ASCC3: variants seen among roughly 807,000 people sequenced by gnomAD.
The protein encoded by ASCC3 is ASC-1 complex subunit P200.
In ASCC3, 158 loss-of-function variants were observed where a neutral mutation model predicts 256.3. The ratio of observed to expected loss-of-function variants is 0.62; its 90% confidence interval spans 0.54 to 0.70. The LOEUF (loss-of-function observed/expected upper bound fraction) is 0.70, where lower values mean the gene tolerates loss of function less well. ASCC3 is among the 30% of genes least tolerant of loss of function. ASCC3 has a pLI of 0.00. For synonymous variants in ASCC3, 948 were observed against 883.4 expected, an observed-to-expected ratio of 1.07 and a Z score of -1.30; for missense variants, 2,259 against 2,626.0, an observed-to-expected ratio of 0.86 and a Z score of 3.05.
At chr6:100,582,663 C>T (rs1194848911) in intron 36 of ASCC3, among the ~76,000 whole-genome samples, 5 of 151,802 alleles carry the variant, frequency 3.3e-5, no homozygotes, top group Admixed American at 2.0e-4. Flanking sequence ...CTGTCTTGTG[C>T]CAGTTTTCAA....
chr6:100,800,516 AT>A lies in ASCC3; in HGVS notation c.923-13del. ...TTTTTTACAATTGTCTAAGAAGCAAATTTAAGAAACACAATGTTTTATAAAT... is the reference window on the plus strand; with the variant it reads ...TTTTTTACAATTGTCTAAGAAGCAAATTAAGAAACACAATGTTTTATAAAT... On this transcript the variant is annotated splice_polypyrimidine_tract_variant and intron_variant, in intron 5 of 41. Coordinates refer to ENST00000369162, the MANE Select transcript of ASCC3 (RefSeq NM_006828.4). The A allele has an allele frequency of 6.4e-7, 1 of 1,568,850 alleles. No individual in the cohort carries two copies. The highest frequency in any genetic ancestry group is 2.3e-5 in the East Asian group (1 of 44,362).
chr6:100,745,504 C>A (rs1780620986), intron 10 of ASCC3, among the ~76,000 whole-genome samples: 1 of 144,240 alleles, frequency 6.9e-6, no homozygotes, highest in African/African-American at 2.6e-5. Context: ...AAAACCTAAC[C>A]AAAAAAAAAA....
chr6:100,589,606 G>T (rs371924783), intron 36 of ASCC3, 28 bp downstream of exon 36: 1 of 1,611,916 alleles, frequency 6.2e-7, no homozygotes, highest in South Asian at 1.1e-5. Context: ...AATTAAAAGA[G>T]AAGATATGAA....
In ASCC3 at chr6:100,706,822, A is replaced by C. The variant is rs1342326527; in HGVS notation, c.2151+8640T>G. On this transcript the variant is annotated intron_variant, in intron 13 of 41. Transcript: ENST00000369162. ...GCAACTTTATTATAAAGTTAAACAT[A>C]TAATGTAGGTACTTTCAAGAAATGA... Among the ~76,000 whole-genome samples the C allele has an allele frequency of 2.0e-5, 3 of 152,216 alleles. No homozygotes were observed. The East Asian group carries it at 5.8e-4, about 29-fold the overall frequency.
At position 100,597,973 on chromosome 6, in the gene ASCC3, CAAA is replaced by C. The variant is rs34634494; in HGVS notation, c.5303+3834_5303+3836del. On this transcript the variant is annotated intron_variant, in intron 34 of 41. Transcript: ENST00000369162. ...TGGGCGACAGAGCGAGACTCCGTCTCAAAAAAAAAAAAAAAAAAAAAGTGGATA... is the reference window on the plus strand; with the variant it reads ...TGGGCGACAGAGCGAGACTCCGTCTCAAAAAAAAAAAAAAAAAAGTGGATA... Among the ~76,000 whole-genome samples the C allele has an allele frequency of 4.5e-3, 400 of 88,034 alleles. 2 individuals carry two copies. The highest frequency in any genetic ancestry group is 0.015 in the African/African-American group (348 of 23,718). 57.8% of individuals were successfully genotyped at this position (88,034 alleles called of 152,430 possible).
intron 37 of ASCC3, among the ~76,000 whole-genome samples, chr6:100,532,396 ATATATATATATTTTTT>A (rs1276501304): frequency 7.0e-5 from 3 of 42,754 alleles, no homozygotes; most frequent in Non-Finnish European, 1.3e-4. Flanking sequence ...ATATATATAT[ATATATATATATTTTTT>A]TTTTTTTTTT....
chr6:100,817,054 G>A (rs1027374225), intron 4 of ASCC3, among the ~76,000 whole-genome samples: 9 of 151,906 alleles, frequency 5.9e-5, no homozygotes, highest in African/African-American at 2.2e-4. Context: ...TAGCACGCAT[G>A]AAACTTCTCC....
chr6:100,780,105 A>C (rs1253320926), intron 8 of ASCC3, among the ~76,000 whole-genome samples: 3 of 152,184 alleles, frequency 2.0e-5, no homozygotes, highest in Non-Finnish European at 4.4e-5. Flanking sequence ...ACACACAAAA[A>C]CATGTGAAAT....
intron 13 of ASCC3, among the ~76,000 whole-genome samples, chr6:100,711,491 C>A (rs1056062646): frequency 6.6e-6 from 1 of 152,130 alleles, no homozygotes; most frequent in African/African-American, 2.4e-5. Flanking sequence ...CTTTTGGAGG[C>A]CAAGGTGGGT....
At chr6:100,830,862 G>T (rs1771586941) in intron 4 of ASCC3, among the ~76,000 whole-genome samples, 1 of 152,142 alleles carries the variant, frequency 6.6e-6, no homozygotes, top group Admixed American at 6.5e-5. Flanking sequence ...AGTTATCAAA[G>T]TAAAGCAAAA....
chr6:100,695,589 T>C (rs1400120855), intron 13 of ASCC3, among the ~76,000 whole-genome samples: 1 of 152,184 alleles, frequency 6.6e-6, no homozygotes, highest in Non-Finnish European at 1.5e-5. Flanking sequence ...GAGACTCCTT[T>C]CTTATCTCCC....
At chr6:100,523,899 T>C (rs1774429028) in intron 37 of ASCC3, among the ~76,000 whole-genome samples, 2 of 152,156 alleles carry the variant, frequency 1.3e-5, no homozygotes, top group Admixed American at 1.3e-4. Flanking sequence ...GAACAGTGAA[T>C]TATATAAAGT....
At chr6:100,764,041 C>T (rs1309588952) in intron 10 of ASCC3, among the ~76,000 whole-genome samples, 1 of 152,158 alleles carries the variant, frequency 6.6e-6, no homozygotes, top group Non-Finnish European at 1.5e-5. Context: ...AGGGAAGTTG[C>T]ACATATGCAT....
chr6:100,608,064 A>ATATATGTATATATC lies in ASCC3; in HGVS notation c.4786-977_4786-976insGATATATACATATA, dbSNP rs1466042448. ...TACATACATATACATATATACACAT[A>ATATATGTATATATC]TATATACATATATATGTATATATAT... On this transcript the variant is annotated intron_variant, in intron 30 of 41. Transcript: ENST00000369162. Among the ~76,000 whole-genome samples the ATATATGTATATATC allele has an allele frequency of 1.8e-3, 212 of 116,702 alleles. 2 individuals carry two copies. The highest frequency in any genetic ancestry group is 8.8e-3 in the Middle Eastern group (1 of 114). The allele number at this position is 116,702 out of a possible 152,430, so 76.6% of individuals were successfully genotyped here. A position where few individuals can be genotyped will look rare whatever the true frequency, so the allele number is the denominator to read the frequency against.
chr6:100,822,847 G>C (rs1194864496), intron 4 of ASCC3, among the ~76,000 whole-genome samples: 1 of 152,110 alleles, frequency 6.6e-6, no homozygotes, highest in East Asian at 1.9e-4. Flanking sequence ...TATCATGGCA[G>C]AGATATCCTT....
At chr6:100,579,982 T>G (rs1201298569) in intron 36 of ASCC3, among the ~76,000 whole-genome samples, 1 of 152,188 alleles carries the variant, frequency 6.6e-6, no homozygotes, top group Non-Finnish European at 1.5e-5. Flanking sequence ...TCCATTTGTT[T>G]GTGTCAACTC....
intron 36 of ASCC3, among the ~76,000 whole-genome samples, chr6:100,585,878 G>T (rs906118683): frequency 3.9e-5 from 6 of 152,156 alleles, no homozygotes; most frequent in Non-Finnish European, 8.8e-5. Flanking sequence ...ATCAGCAGCG[G>T]TGTCTGCAGA....
At chr6:100,811,981 A>T (rs1358418026) in intron 4 of ASCC3, among the ~76,000 whole-genome samples, 2 of 152,198 alleles carry the variant, frequency 1.3e-5, no homozygotes, top group African/African-American at 4.8e-5. Context: ...TGATAGTTTC[A>T]AAGCTAGTTA....
At chr6:100,800,734 TA>T (rs1179239801) in intron 5 of ASCC3, among the ~76,000 whole-genome samples, 1 of 151,944 alleles carries the variant, frequency 6.6e-6, no homozygotes, top group African/African-American at 2.4e-5. Context: ...TCCTACAGAC[TA>T]AACAGTTCAA....
Sources: allele counts gnomAD v4.1 joint callset (sites outside exome capture counted in the v4.1 genomes callset), GRCh38; gene constraint gnomAD v4.1.1; transcripts MANE v1.5; gene names NCBI Gene and HGNC (gene_info 2026-07-23, HGNC 2026-07-21).